The following KHDRBS2 variants were observed in gnomAD, a reference collection of about 807,000 sequenced individuals.
KHDRBS2 encodes the protein KH domain-containing, RNA-binding, signal transduction-associated protein 2.
A neutral mutation model predicts 44.3 loss-of-function variants in KHDRBS2; 26 were observed. The ratio of observed to expected loss-of-function variants is 0.59; its 90% CI spans 0.43 to 0.81. KHDRBS2 has a LOEUF of 0.81. KHDRBS2 is among the 40% of genes least tolerant of loss of function. KHDRBS2 has a pLI of 0.00. For synonymous variants in KHDRBS2, 194 were observed against 151.1 expected, an observed-to-expected ratio of 1.28 and a Z score of -2.08; for missense variants, 476 against 433.1, an observed-to-expected ratio of 1.10 and a Z score of -0.88.
intron 6 of KHDRBS2, among the ~76,000 whole-genome samples, chr6:61,810,501 T>C (rs186664728): frequency 6.6e-6 from 1 of 152,272 alleles, no homozygotes; most frequent in Non-Finnish European, 1.5e-5. Flanking sequence ...TACTTGTATA[T>C]TCTAATAAAT....
At chr6:61,848,901 A>G (rs1795040710) in intron 6 of KHDRBS2, among the ~76,000 whole-genome samples, 3 of 152,124 alleles carry the variant, frequency 2.0e-5, no homozygotes, top group African/African-American at 7.2e-5. Context: ...TCTTTACATA[A>G]ACTTTACATA....
intron 6 of KHDRBS2, among the ~76,000 whole-genome samples, chr6:61,806,984 A>G (rs1297927251): frequency 6.6e-6 from 1 of 152,120 alleles, no homozygotes; most frequent in Non-Finnish European, 1.5e-5. Context: ...CATTACCTTG[A>G]AATATCCCCT....
Position 61,732,677 on chromosome 6 carries a change from C to G in KHDRBS2, c.893+5G>C. 6.3e-7 allele frequency: 1 copy of G among 1,580,206 alleles called. No homozygotes were observed. Among genetic ancestry groups the G allele is most frequent in the Middle Eastern group, 1.7e-4 (1 of 6,012 alleles). ...GAAGGCTGCTTTAGATAGCAAATGCCTTACCTTTGTGTTTGGGTCGCATAG... is the reference window on the plus strand; with the variant it reads ...GAAGGCTGCTTTAGATAGCAAATGCGTTACCTTTGTGTTTGGGTCGCATAG... On this transcript the variant is annotated splice_donor_5th_base_variant and intron_variant, in intron 7 of 8. Transcript: ENST00000281156.
At chr6:61,633,193 C>A in the KHDRBS2 span, among the ~76,000 whole-genome samples, 1 of 152,008 alleles carries the variant, frequency 6.6e-6, no homozygotes, top group East Asian at 1.9e-4. Context: ...TGTTTCCAAA[C>A]TTACTTGTTT....
chr6:61,766,681 G>T (rs535732979), intron 6 of KHDRBS2, among the ~76,000 whole-genome samples: 1 of 151,964 alleles, frequency 6.6e-6, no homozygotes, highest in African/African-American at 2.4e-5. Context: ...TTTGTTTTGA[G>T]AAATTTTTAA....
chr6:61,944,279 C>T (rs191454036), intron 4 of KHDRBS2, among the ~76,000 whole-genome samples: 40 of 152,010 alleles, frequency 2.6e-4, no homozygotes, highest in Admixed American at 1.6e-3. Context: ...AGTGAACAGA[C>T]GGATAAAGAA....
chr6:61,869,370 A>G (rs1483158806), intron 6 of KHDRBS2, among the ~76,000 whole-genome samples: 4 of 152,210 alleles, frequency 2.6e-5, no homozygotes, highest in Admixed American at 1.3e-4. Flanking sequence ...GATGACATAT[A>G]ATTATATAAC....
chr6:61,925,358 A>C (rs1808759932), intron 4 of KHDRBS2, among the ~76,000 whole-genome samples: 1 of 152,212 alleles, frequency 6.6e-6, no homozygotes, highest in African/African-American at 2.4e-5. Flanking sequence ...TAAGGAATAA[A>C]TAACTAGTCC....
chr6:61,982,849 C>G lies in KHDRBS2; in HGVS notation c.337-4637G>C, dbSNP rs142568722. Among the ~76,000 whole-genome samples the G allele has an allele frequency of 3.7e-3, 568 of 152,156 alleles. 5 individuals are homozygous for G. The highest frequency in any genetic ancestry group is 0.013 in the African/African-American group (534 of 41,534). ...AATTTGTTATGGCCTTTGTTTGAAA[C>G]AGTACTGGTTCTTTAATGTCCTGTT... On this transcript the variant is annotated intron_variant, in intron 3 of 8. Coordinates refer to ENST00000281156, the MANE Select transcript of KHDRBS2 (RefSeq NM_152688.4).
At chr6:61,835,098 CAATTTCA>C (rs1792440378) in intron 6 of KHDRBS2, among the ~76,000 whole-genome samples, 1 of 151,906 alleles carries the variant, frequency 6.6e-6, no homozygotes, top group Non-Finnish European at 1.5e-5. Flanking sequence ...TTAAGTTTGC[CAATTTCA>C]TTAGGAAAGT....
chr6:61,835,468 C>T (rs1792498600), intron 6 of KHDRBS2, among the ~76,000 whole-genome samples: 1 of 151,910 alleles, frequency 6.6e-6, no homozygotes, highest in Non-Finnish European at 1.5e-5. Context: ...TTGCCATCAG[C>T]TACAGCCATT....
intron 6 of KHDRBS2, among the ~76,000 whole-genome samples, chr6:61,863,231 C>T (rs1797271935): frequency 6.7e-6 from 1 of 149,412 alleles, no homozygotes; most frequent in Non-Finnish European, 1.5e-5. Context: ...AAAAAACCAA[C>T]TCCCACATTT....
At chr6:61,625,036 G>C in the KHDRBS2 span, among the ~76,000 whole-genome samples, 1 of 152,072 alleles carries the variant, frequency 6.6e-6, no homozygotes, top group East Asian at 1.9e-4. Flanking sequence ...TCTCCCAAAT[G>C]AGGTGTTTGC....
At chr6:62,061,849 AT>A (rs1057066551) in intron 2 of KHDRBS2, among the ~76,000 whole-genome samples, 124 of 148,564 alleles carry the variant, frequency 8.3e-4, no homozygotes, top group African/African-American at 3.0e-3. Flanking sequence ...ATAGTCCCAT[AT>A]TTCTTGGAGG....
chr6:61,776,826 G>A (rs539396288), intron 6 of KHDRBS2, among the ~76,000 whole-genome samples: 2 of 152,254 alleles, frequency 1.3e-5, no homozygotes, highest in Non-Finnish European at 2.9e-5. Context: ...CTGCTATAAA[G>A]TCACATGCAC....
chr6:62,233,413 G>A (rs1293614151), intron 1 of KHDRBS2, among the ~76,000 whole-genome samples: 1 of 152,124 alleles, frequency 6.6e-6, no homozygotes, highest in Non-Finnish European at 1.5e-5. Flanking sequence ...ACAGTTAAAT[G>A]TTAAGCTTTT....
At chr6:62,046,483 T>C (rs993282526) in intron 3 of KHDRBS2, among the ~76,000 whole-genome samples, 6 of 151,814 alleles carry the variant, frequency 4.0e-5, no homozygotes, top group Non-Finnish European at 7.4e-5. Context: ...GCTGGGGAGA[T>C]GATGACAAGC....
chr6:61,967,865 CATACACACACATACACACAA>C, intron 4 of KHDRBS2, among the ~76,000 whole-genome samples: 1 of 144,052 alleles, frequency 6.9e-6, no homozygotes, highest in African/African-American at 2.6e-5. Context: ...TACATACACA[CATACACACACATACACACAA>C]ACATACACAC....
At chr6:62,193,556 C>T (rs1201889218) in intron 1 of KHDRBS2, among the ~76,000 whole-genome samples, 2 of 152,180 alleles carry the variant, frequency 1.3e-5, no homozygotes, top group Non-Finnish European at 2.9e-5. Context: ...CATCCTTTCC[C>T]TTTAAACATG....
Sources: gnomAD v4.1 joint callset for allele counts (sites outside exome capture counted in the v4.1 genomes callset) on GRCh38, gnomAD v4.1.1 for gene constraint, MANE v1.5 for transcripts, NCBI Gene and HGNC (gene_info 2026-07-23, HGNC 2026-07-21) for gene names.